Variants in RGS3 observed in about 807,000 individuals in gnomAD.
RGS3 encodes the protein regulator of G-protein signalling 3.
Under a neutral mutation model 132.6 loss-of-function variants are expected in RGS3, and 80 were observed. The observed-to-expected ratio is 0.60, with a 90% confidence interval of 0.50 to 0.73. The LOEUF (loss-of-function observed/expected upper bound fraction) is 0.73. Ranked by LOEUF, RGS3 falls within the 30% of genes least tolerant of loss-of-function variation. RGS3 has a pLI of 0.00. For missense variants in RGS3, 1,382 were observed against 1,530.8 expected (o/e 0.90, Z 1.62); for synonymous variants, 598 against 620.6 (o/e 0.96, Z 0.54).
At chr9:113,551,702 A>T (rs1833348168) in intron 19 of RGS3, among the ~76,000 whole-genome samples, 3 of 152,012 alleles carry the variant, frequency 2.0e-5, no homozygotes, top group Admixed American at 2.0e-4. Context: ...CAACAACAAC[A>T]ACAAAAATTA....
intron 10 of RGS3, among the ~76,000 whole-genome samples, chr9:113,498,853 G>C (rs1416128575): frequency 6.7e-6 from 1 of 149,234 alleles, no homozygotes; most frequent in Non-Finnish European, 1.5e-5. Context: ...GGCAGCGGAG[G>C]TTGCAGTGAG....
At chr9:113,553,898 G>A (rs1225316823) in intron 19 of RGS3, among the ~76,000 whole-genome samples, 1 of 152,184 alleles carries the variant, frequency 6.6e-6, no homozygotes, top group Non-Finnish European at 1.5e-5. Context: ...CCTCTATTTT[G>A]AATAGCCAGT....
intron 16 of RGS3, among the ~76,000 whole-genome samples, chr9:113,521,653 C>G (rs984814360): frequency 1.4e-4 from 22 of 152,156 alleles, no homozygotes; most frequent in African/African-American, 5.3e-4. Context: ...TTCATCTTCT[C>G]TTGATGAATG....
intron 21 of RGS3, 142 bp from the exon 20 acceptor site, chr9:113,594,288 C>T (rs1200619454): frequency 6.2e-7 from 1 of 1,600,186 alleles, no homozygotes; most frequent in African/African-American, 1.3e-5. Flanking sequence ...TGCTCCGAGG[C>T]ATGTACCTCA....
At chr9:113,479,454 A>T (rs1830092394) in intron 3 of RGS3, 37 bp from the exon 2 acceptor site, 1 of 1,609,518 alleles carries the variant, frequency 6.2e-7, no homozygotes, top group South Asian at 1.1e-5. Flanking sequence ...CCCACCAGGG[A>T]GCTGAGGCAA....
At chr9:113,468,839 G>C (rs1459996167) in intron 3 of RGS3, among the ~76,000 whole-genome samples, 1 of 152,084 alleles carries the variant, frequency 6.6e-6, no homozygotes, top group African/African-American at 2.4e-5. Flanking sequence ...AGGTCTGCAG[G>C]TGGCTGTGGA....
chr9:113,552,000 AAGT>A (rs1391291074), intron 19 of RGS3, among the ~76,000 whole-genome samples: 37 of 152,346 alleles, frequency 2.4e-4, no homozygotes, highest in Non-Finnish European at 4.4e-4. Flanking sequence ...AGTGGGAGTG[AAGT>A]AGTATCTCAT....
chr9:113,453,033 A>AT (rs1564437343), intron 1 of RGS3, among the ~76,000 whole-genome samples: 1 of 132,318 alleles, frequency 7.6e-6, no homozygotes. Context: ...TATAATATAT[A>AT]ATATATATAA....
intron 17 of RGS3, 68 bp from the exon 16 acceptor site, chr9:113,529,153 T>C: frequency 8.1e-7 from 1 of 1,234,062 alleles, no homozygotes; most frequent in Non-Finnish European, 1.2e-6. Flanking sequence ...CAGCTGACTG[T>C]GCTGGAGCAA....
At position 113,507,365 on chromosome 9, in the gene RGS3, G is replaced by A. The variant is rs774944510; in HGVS notation, c.1164G>A (p.Leu388=). The change falls in exon 13 of 25, where the codon CTG becomes CTA. Residue 388 remains leucine, a synonymous_variant. Transcript: ENST00000350696. This position sits in a 1 kb window ranked among gnomAD's most constrained non-coding sequence, Gnocchi z 5.0. Reference sequence around the variant, plus strand: ...AGCCAGGACCAGATGGCGGGGTCCTGCGGCGGGCCTCCTGCAAGTCGACAC... The same window carrying A: ...AGCCAGGACCAGATGGCGGGGTCCTACGGCGGGCCTCCTGCAAGTCGACAC... 1.2e-6 allele frequency: 2 copies of A among 1,613,738 alleles called. No individual in the cohort carries two copies. Among genetic ancestry groups the A allele is most frequent in the Non-Finnish European group, 1.7e-6 (2 of 1,180,032 alleles).
intron 19 of RGS3, among the ~76,000 whole-genome samples, chr9:113,547,764 C>T (rs1165467024): frequency 2.0e-5 from 3 of 152,200 alleles, no homozygotes; most frequent in East Asian, 1.9e-4. Context: ...AGACTCTTCC[C>T]GATAAGTTGC....
intron 8 of RGS3, among the ~76,000 whole-genome samples, chr9:113,496,429 A>G (rs1830684901): frequency 6.6e-6 from 1 of 152,122 alleles, no homozygotes; most frequent in African/African-American, 2.4e-5. Context: ...CTCCTTTTGC[A>G]CATCCCTGGA....
intron 4 of RGS3, 63 bp downstream of exon 2, chr9:113,479,604 G>T (rs1251973762): frequency 6.6e-7 from 1 of 1,524,460 alleles, no homozygotes; most frequent in Non-Finnish European, 9.1e-7. Flanking sequence ...GCTGCCTGGG[G>T]CTGGGGTTGG....
At chr9:113,461,947 A>T in intron 2 of RGS3, 1 of 1,591,826 alleles carries the variant, frequency 6.3e-7, no homozygotes. Context: ...TCTAGTTCCT[A>T]CTGGGAGTGA....
chr9:113,584,523 C>A, intron 20 of RGS3, 96 bp downstream of exon 18: 1 of 1,331,120 alleles, frequency 7.5e-7, no homozygotes. Flanking sequence ...TGTTCCACCC[C>A]CACTATCCTG....
intron 17 of RGS3, 73 bp downstream of exon 15, chr9:113,523,114 G>T: frequency 3.1e-6 from 3 of 974,300 alleles, no homozygotes; most frequent in Admixed American, 3.4e-5. Flanking sequence ...CAGCCCTCTG[G>T]GATCTGGCTG....
At chr9:113,547,427 C>T (rs1283731827) in intron 19 of RGS3, among the ~76,000 whole-genome samples, 2 of 152,174 alleles carry the variant, frequency 1.3e-5, no homozygotes, top group African/African-American at 4.8e-5. Context: ...TCCAGCCTCC[C>T]CCATTGGAGG....
intron 4 of RGS3, 67 bp downstream of exon 2, chr9:113,479,608 G>A: frequency 1.4e-6 from 2 of 1,477,648 alleles, no homozygotes; most frequent in South Asian, 2.3e-5. Context: ...CCTGGGGCTG[G>A]GGTTGGGGGA....
intron 19 of RGS3, among the ~76,000 whole-genome samples, chr9:113,571,491 T>C (rs956216361): frequency 2.0e-5 from 3 of 152,238 alleles, no homozygotes; most frequent in African/African-American, 4.8e-5. Context: ...CCCTTTTTCA[T>C]GTGTTGATTA....
Sources: gnomAD v4.1 joint callset for allele counts (sites outside exome capture counted in the v4.1 genomes callset) on GRCh38, gnomAD v4.1.1 for gene constraint, Gnocchi (gnomAD v3.1) non-coding constraint, MANE v1.5 for transcripts, NCBI Gene and HGNC (gene_info 2026-07-23, HGNC 2026-07-21) for gene names.